LILRB2: variants seen among roughly 807,000 people sequenced by gnomAD.
The protein encoded by LILRB2 is leukocyte immunoglobulin like receptor B2, also known as leukocyte immunoglobulin-like receptor subfamily B member 2.
Under a neutral mutation model 72.7 loss-of-function variants are expected in LILRB2, and 47 were observed. The observed-to-expected ratio is 0.65, with a 90% CI of 0.51 to 0.82. The LOEUF (loss-of-function observed/expected upper bound fraction) is 0.82, where lower values mean the gene tolerates loss of function less well. LILRB2 is among the 40% of genes least tolerant of loss of function. The pLI is 0.00. For missense variants in LILRB2, 767 were observed against 764.8 expected (o/e 1.00, Z -0.03); for synonymous variants, 279 against 313.7 (o/e 0.89, Z 1.17).
In LILRB2 at chr19:54,278,838, C is replaced by G. The variant is rs976182056; in HGVS notation, c.929G>C (p.Ser310Thr). The G allele has an allele frequency of 3.1e-6, 5 of 1,612,764 alleles. No homozygotes were observed. The highest frequency in any genetic ancestry group is 2.7e-5 in the African/African-American group (2 of 74,882). The change falls in exon 6 of 14, where the codon AGC becomes ACC. Residue 310 changes from serine to threonine, a missense_variant. Transcript: ENST00000314446. The stretch of plus-strand genomic sequence containing the variant: ...TGTGATCAGGATGTCCAGGGGGTCG[C>G]TGGGGGCCGAGCACTCAGAGGAGAG... ...HNLSSECSAP[S>T]DPLDILITGQ...
rs1305207232 is a variant in LILRB2 at position 54,276,002 on chromosome 19, A to T, written c.1596T>A (p.Tyr532Ter). The change falls in exon 13 of 14, where the codon TAT becomes TAA. Residue 532 changes from tyrosine (Y) to a stop codon, truncating the protein, a stop_gained and splice_region_variant. Coordinates refer to ENST00000314446, the MANE Select transcript of LILRB2 (RefSeq NM_001080978.4). LOFTEE classifies it high-confidence loss of function. The part of the protein sequence containing the change: ...PAADAQEENL[Y>*]AAVKDTQPED... Reference sequence around the variant, plus strand: ...CAGGCTGTGTGTCCTTCACGGCAGCATCTGCTGGGGCAGAGCAAGGGGTTC... The same window carrying T: ...CAGGCTGTGTGTCCTTCACGGCAGCTTCTGCTGGGGCAGAGCAAGGGGTTC... 6.2e-7 allele frequency: 1 copy of T among 1,614,124 alleles called. No homozygotes were observed. The highest frequency in any genetic ancestry group is 1.7e-5 in the Admixed American group (1 of 60,028).
chr19:54,274,679 C>CT lies in LILRB2; in HGVS notation c.*3_*4insA, dbSNP rs1216488499. The CT allele has an allele frequency of 1.2e-6, 2 of 1,613,536 alleles. No individual in the cohort carries two copies. The highest frequency in any genetic ancestry group is 1.7e-6 in the Non-Finnish European group (2 of 1,179,734). On this transcript the variant is annotated 3_prime_UTR_variant, in exon 14 of 14. Coordinates refer to ENST00000314446, the MANE Select transcript of LILRB2 (RefSeq NM_001080978.4). ...CTGAGTGTGGAGTCTGCGTACCCTCCGGGCTAGTGGATGGCCAGGGTGGCG... is the reference window on the plus strand; with the variant it reads ...CTGAGTGTGGAGTCTGCGTACCCTCCTGGGCTAGTGGATGGCCAGGGTGGCG...
At position 54,278,752 on chromosome 19, in the gene LILRB2, T is replaced by C. The variant is rs568584852; in HGVS notation, c.955+60A>G. The stretch of plus-strand genomic sequence containing the variant: ...CTCATCCTGGCCATCACTAATTGGA[T>C]TCCCCCGGCAGGGCCTGTGCAGAGT... On this transcript the variant is annotated intron_variant, in intron 6 of 13. Transcript: ENST00000314446. 32 of 1,593,368 alleles carry C rather than the reference T, an allele frequency of 2.0e-5. No individual in the cohort carries two copies. The East Asian group carries it at 2.5e-4, about 12-fold the overall frequency.
At chr19:54,275,773 C>T (rs1384510957) in intron 13 of LILRB2, 178 bp downstream of exon 13, 14 of 881,326 alleles carry the variant, frequency 1.6e-5, no homozygotes, top group South Asian at 5.3e-5. Context: ...AGGAGGCCCA[C>T]GAGGTCCCAG....
chr19:54,280,359 C>T (rs2147792568), intron 2 of LILRB2, 60 bp from the exon 3 acceptor site: 3 of 1,614,130 alleles, frequency 1.9e-6, no homozygotes, highest in South Asian at 2.2e-5. Flanking sequence ...TCCTCCCCTC[C>T]CTGGGATCTT....
chr19:54,275,290 A>G (rs2080169440), intron 13 of LILRB2: 1 of 628,004 alleles, frequency 1.6e-6, no homozygotes, highest in Admixed American at 3.0e-5. Context: ...CCTTCCCGCA[A>G]GAGCTCGCTG....
chr19:54,277,456 C>T lies in LILRB2; in HGVS notation c.1357+94G>A, dbSNP rs549409992. The T allele has an allele frequency of 3.2e-4, 482 of 1,517,606 alleles. 1 individual carries two copies. The South Asian group carries it at 3.8e-3, about 12-fold the overall frequency. The allele number at this position is 1,517,606 out of a possible 1,614,324, so 94.0% of individuals were successfully genotyped here. On this transcript the variant is annotated intron_variant, in intron 9 of 13. Coordinates refer to ENST00000314446, the MANE Select transcript of LILRB2 (RefSeq NM_001080978.4). Reference sequence around the variant, plus strand: ...CCCAGGCAGGGGAGGAGCCTGTCTACATCACCACCTCCAGAGGAGCCTGAA... The same window carrying T: ...CCCAGGCAGGGGAGGAGCCTGTCTATATCACCACCTCCAGAGGAGCCTGAA...
chr19:54,280,850 T>C, intron 1 of LILRB2, 111 bp downstream of exon 1: 1 of 528,962 alleles, frequency 1.9e-6, no homozygotes, highest in Non-Finnish European at 3.2e-6. Context: ...TTCTTGTGTC[T>C]GCCCTTCCTG....
intron 9 of LILRB2, 121 bp from the exon 10 acceptor site, chr19:54,277,050 C>T: frequency 6.6e-7 from 1 of 1,507,736 alleles, no homozygotes; most frequent in Non-Finnish European, 9.0e-7. Context: ...GTGCAGCACA[C>T]AAACATCCAC....
rs764050150 is a variant in LILRB2, at chr19:54,279,922, G to T, written c.224C>A (p.Pro75Gln). ...GAACTGGCCGTTCTTCACAAGCTCT[G>T]GTCGTATCCGTGTAATCCAAGATGC... The part of the protein sequence containing the change: ...KSASWITRIR[P>Q]ELVKNGQFHI... Residue 75 changes from proline to glutamine, a missense_variant, in exon 4 of 14, where the codon CCA (proline) becomes CAA (glutamine). Coordinates refer to ENST00000314446, the MANE Select transcript of LILRB2 (RefSeq NM_001080978.4). The T allele has an allele frequency of 7.4e-6, 12 of 1,614,006 alleles. No individual in the cohort carries two copies. The African/African-American group carries it at 1.6e-4, about 22-fold the overall frequency.
intron 8 of LILRB2, 105 bp downstream of exon 8, chr19:54,277,784 G>A: frequency 7.5e-7 from 1 of 1,331,936 alleles, no homozygotes; most frequent in Non-Finnish European, 1.1e-6. Context: ...TCCCTGGACA[G>A]AAGCCCTTGA....
Position 54,277,944 on chromosome 19 carries a change from G to A in LILRB2, c.1259-5C>T, listed in dbSNP as rs1407360612. On this transcript the variant is annotated splice_region_variant and splice_polypyrimidine_tract_variant and intron_variant, in intron 7 of 13. Transcript: ENST00000314446. ...GGCTGGAACCCATGGAGGGTCCTGG[G>A]TGAAAGAATGAGAGGAGGGTGAGGA... is the stretch of plus-strand genomic sequence containing the variant. 2.7e-6 allele frequency: 4 copies of A among 1,503,484 alleles called. No individual in the cohort carries two copies. The highest frequency in any genetic ancestry group is 3.6e-6 in the Non-Finnish European group (4 of 1,124,820). The allele number at this position is 1,503,484 out of a possible 1,614,324, so 93.1% of individuals were successfully genotyped here.
In LILRB2 at chr19:54,279,906, G is replaced by C; in HGVS notation, c.240C>G (p.Asn80Lys). The C allele has an allele frequency of 1.9e-6, 3 of 1,614,094 alleles. No homozygotes were observed. The highest frequency in any genetic ancestry group is 2.5e-6 in the Non-Finnish European group (3 of 1,179,998). ...ITRIRPELVK[N>K]GQFHIPSITW... is the part of the protein sequence containing the mutation. ...TGATGGATGGGATGTGGAACTGGCC[G>C]TTCTTCACAAGCTCTGGTCGTATCC... The change falls in exon 4 of 14, where the codon AAC becomes AAG. Residue 80 changes from asparagine (N) to lysine (K), a missense_variant. Transcript: ENST00000314446.
chr19:54,278,133 G>A, intron 7 of LILRB2, 127 bp downstream of exon 7: 1 of 1,336,856 alleles, frequency 7.5e-7, no homozygotes, highest in Non-Finnish European at 1.0e-6. Flanking sequence ...TCCCTCTGAG[G>A]GTGAGTCTCC....
rs755381336 is a variant in LILRB2 at position 54,278,443 on chromosome 19, C to A, written c.1075G>T (p.Ala359Ser). The A allele has an allele frequency of 3.1e-6, 5 of 1,614,212 alleles. No homozygotes were observed. The highest frequency in any genetic ancestry group is 4.2e-6 in the Non-Finnish European group (5 of 1,180,020). The stretch of plus-strand genomic sequence containing the variant: ...CGGAGTGGGGCATCAGCTGCTCCCG[C>A]CTTGGTCAGAAGGAAAGTGTGGAAC... ...RQFHTFLLTK[A>S]GAADAPLRLR... Residue 359 changes from alanine (A) to serine (S), a missense_variant, in exon 7 of 14, where the codon GCG becomes TCG. By Grantham distance (99) the Ala-to-Ser change is moderately conservative. Coordinates refer to ENST00000314446, the MANE Select transcript of LILRB2 (RefSeq NM_001080978.4).
chr19:54,280,154 T>C (rs2147790847), intron 3 of LILRB2, 79 bp from the exon 4 acceptor site: 1 of 1,608,644 alleles, frequency 6.2e-7, no homozygotes, highest in Non-Finnish European at 8.5e-7. Context: ...ACCCTCCAGA[T>C]GCCCCCATCA....
In LILRB2 at chr19:54,274,815, T is replaced by C; in HGVS notation, c.1662A>G (p.Glu554=). 1 of 1,612,478 alleles carries C rather than the reference T, an allele frequency of 6.2e-7. No individual in the cohort carries two copies. Among genetic ancestry groups the C allele is most frequent in the Non-Finnish European group, 8.5e-7 (1 of 1,179,768 alleles). The change falls in exon 14 of 14, where the codon GAA becomes GAG. Residue 554 remains glutamate, a synonymous_variant. Coordinates refer to ENST00000314446, the MANE Select transcript of LILRB2 (RefSeq NM_001080978.4). ...GGGCGTAGGTCACATCCTGGGGGGC[T>C]TCAGATGCAGCAGCCTGCAGCGGGG... ...VEMDTRAAAS[E]APQDVTYAQL... is the part of the protein sequence containing the mutation.
Position 54,279,791 on chromosome 19 carries a change from C to T in LILRB2, c.355G>A (p.Gly119Arg), listed in dbSNP as rs1304663860. ...CTGGGATCCCTGAGTGTCCTCTCAC[C>T]TGTCATCACCAGCACCAGGGGGTCA... ...LSDPLVLVMT[G>R]AYPKPTLSAQ... Residue 119 changes from glycine (G) to arginine (R), a missense_variant and splice_region_variant, in exon 4 of 14, where the codon GGA (glycine) becomes AGA (arginine). Physicochemically the swap from Gly to Arg is moderately radical, Grantham distance 125 (BLOSUM62 -2). This residue lies in a region of LILRB2 where 599 missense variants were observed against 568.2 expected (regional missense o/e 1.05). Coordinates refer to ENST00000314446, the MANE Select transcript of LILRB2 (RefSeq NM_001080978.4). 1.1e-5 allele frequency: 18 copies of T among 1,613,898 alleles called. No homozygotes were observed. Among genetic ancestry groups the T allele is most frequent in the Non-Finnish European group, 1.5e-5 (18 of 1,179,948 alleles).
chr19:54,280,067 G>A lies in LILRB2; in HGVS notation c.79C>T (p.Pro27Ser), dbSNP rs746475210. Residue 27 changes from proline (P) to serine (S), a missense_variant, in exon 4 of 14, where the codon CCC (proline) becomes TCC (serine). This residue lies in a region of LILRB2 where 599 missense variants were observed against 568.2 expected (regional missense o/e 1.05). Coordinates refer to ENST00000314446, the MANE Select transcript of LILRB2 (RefSeq NM_001080978.4). Reference protein sequence around the residue: ...PRTRVQTGTIPKPTLWAEPDS... With the variant: ...PRTRVQTGTISKPTLWAEPDS... Reference sequence around the variant, plus strand: ...GGCTCAGCCCACAGGGTGGGCTTGGGGATGGTCCCTGGAAGGAAATCAAAG... The same window carrying A: ...GGCTCAGCCCACAGGGTGGGCTTGGAGATGGTCCCTGGAAGGAAATCAAAG... The A allele has an allele frequency of 5.0e-6, 8 of 1,613,684 alleles. No individual in the cohort carries two copies. In the Admixed American group the frequency reaches 1.3e-4, roughly 27 times the overall value.
Sources: allele counts gnomAD v4.1 joint callset, GRCh38; gene constraint gnomAD v4.1.1; regional missense constraint gnomAD v4.1.1; transcripts MANE v1.5; gene names NCBI Gene and HGNC (gene_info 2026-07-23, HGNC 2026-07-21).